Variants in SUGCT observed in about 807,000 individuals in gnomAD.
SUGCT encodes succinyl-CoA:glutarate CoA-transferase.
In SUGCT, 41 loss-of-function variants were observed where a neutral mutation model predicts 55.0. The observed-to-expected ratio is 0.74, with a 90% CI of 0.58 to 0.97. The LOEUF is 0.97. Ranked by LOEUF, SUGCT falls within the 50% of genes least tolerant of loss-of-function variation. The probability of loss-of-function intolerance (pLI) is 0.00; values close to 1 mark genes in which losing one functional copy is unlikely to be tolerated. For synonymous variants in SUGCT, 187 were observed against 200.4 expected, an observed-to-expected ratio of 0.93 and a Z score of 0.56; for missense variants, 568 against 547.8, an observed-to-expected ratio of 1.04 and a Z score of -0.37.
rs78475317 is a variant in SUGCT, at chr7:40,412,248, C to G, written c.817-37039C>G. 1.7e-3 allele frequency among the ~76,000 whole-genome samples: 264 copies of G among 152,338 alleles called. 4 individuals are homozygous for G. The East Asian group carries it at 0.022, about 13-fold the overall frequency. On this transcript the variant is annotated intron_variant, in intron 9 of 13. Coordinates refer to ENST00000335693, the MANE Select transcript of SUGCT (RefSeq NM_001193313.2). ...GTCCTCACAGTGGTCACTTCAGAAG[C>G]CACTCACTGTTCATGCACTTCTTTT...
At chr7:40,278,858 G>A (rs1212201662) in intron 8 of SUGCT, among the ~76,000 whole-genome samples, 15 of 148,424 alleles carry the variant, frequency 1.0e-4, no homozygotes, top group African/African-American at 3.0e-4. Context: ...ATACGGTCTC[G>A]TGCTTTTGTC....
chr7:40,818,915 C>T (rs1172715232), intron 13 of SUGCT, among the ~76,000 whole-genome samples: 1 of 112,448 alleles, frequency 8.9e-6, no homozygotes, highest in Non-Finnish European at 1.8e-5. Flanking sequence ...CCCCTCCCCC[C>T]ACCCCACAAC....
At chr7:40,164,338 C>A (rs1021237587) in intron 1 of SUGCT, among the ~76,000 whole-genome samples, 1 of 152,124 alleles carries the variant, frequency 6.6e-6, no homozygotes, top group African/African-American at 2.4e-5. Context: ...CCATATTGGC[C>A]AAGCTGGTCT....
At chr7:40,466,422 A>C (rs1182069718) in intron 11 of SUGCT, among the ~76,000 whole-genome samples, 1 of 152,158 alleles carries the variant, frequency 6.6e-6, no homozygotes, top group Non-Finnish European at 1.5e-5. Context: ...TAAAATAAGC[A>C]CAAGTTTTAG....
the SUGCT span, among the ~76,000 whole-genome samples, chr7:40,879,328 A>G: frequency 6.6e-6 from 1 of 152,238 alleles, no homozygotes; most frequent in African/African-American, 2.4e-5. Context: ...ACAATTATCA[A>G]TGTTTTGTGA....
chr7:40,341,693 A>G (rs952077477), intron 9 of SUGCT, among the ~76,000 whole-genome samples: 15 of 152,232 alleles, frequency 9.9e-5, no homozygotes, highest in African/African-American at 3.4e-4. Flanking sequence ...ATTTAGGGAA[A>G]AAGAAACTAC....
intron 1 of SUGCT, among the ~76,000 whole-genome samples, chr7:40,150,956 G>T (rs935749022): frequency 6.6e-6 from 1 of 152,130 alleles, no homozygotes; most frequent in South Asian, 2.1e-4. Flanking sequence ...TTTTATCTTG[G>T]CTGGGCACTG....
At chr7:40,949,774 GTAT>G in the SUGCT span, among the ~76,000 whole-genome samples, 1 of 152,190 alleles carries the variant, frequency 6.6e-6, no homozygotes, top group Admixed American at 6.5e-5. Flanking sequence ...TAGATGTGTG[GTAT>G]TATTTCTGAG....
chr7:40,769,711 A>T (rs1788992109), intron 13 of SUGCT, among the ~76,000 whole-genome samples: 1 of 152,166 alleles, frequency 6.6e-6, no homozygotes, highest in African/African-American at 2.4e-5. Context: ...CAAACTTCTG[A>T]CCTCCAGAGC....
intron 13 of SUGCT, among the ~76,000 whole-genome samples, chr7:40,753,916 T>C (rs775743994): frequency 7.9e-5 from 12 of 152,212 alleles, no homozygotes; most frequent in Admixed American, 3.3e-4. Context: ...ATTATTAAAA[T>C]ACAATAAGTA....
At chr7:40,880,997 G>A in the SUGCT span, among the ~76,000 whole-genome samples, 5 of 152,220 alleles carry the variant, frequency 3.3e-5, no homozygotes, top group African/African-American at 9.6e-5. Context: ...ACAAGCATAT[G>A]TGTCTCACAC....
intron 8 of SUGCT, among the ~76,000 whole-genome samples, chr7:40,285,822 C>T (rs1404758697): frequency 2.0e-5 from 3 of 152,080 alleles, no homozygotes; most frequent in East Asian, 1.9e-4. Flanking sequence ...GATAATCAGA[C>T]CTTAGTTACC....
chr7:40,251,913 C>T (rs1166622593), intron 7 of SUGCT, among the ~76,000 whole-genome samples: 6 of 149,154 alleles, frequency 4.0e-5, no homozygotes, highest in Admixed American at 3.3e-4. Flanking sequence ...TTAATAGGAC[C>T]AATTTGTATG....
chr7:41,022,795 G>A, the SUGCT span, among the ~76,000 whole-genome samples: 1 of 152,014 alleles, frequency 6.6e-6, no homozygotes, highest in Admixed American at 6.6e-5. Context: ...TTCCCAATAG[G>A]TGAAGGAAAG....
At chr7:40,597,756 C>T (rs905862380) in intron 12 of SUGCT, among the ~76,000 whole-genome samples, 1 of 152,144 alleles carries the variant, frequency 6.6e-6, no homozygotes, top group African/African-American at 2.4e-5. Context: ...TTGAAAGGAA[C>T]AGAGTCCACT....
chr7:40,724,464 G>C lies in SUGCT; in HGVS notation c.1090-24970G>C, dbSNP rs559443186. On this transcript the variant is annotated intron_variant, in intron 12 of 13. Coordinates refer to ENST00000335693, the MANE Select transcript of SUGCT (RefSeq NM_001193313.2). ...TGTAGTCCCAGCTGCTGGGGAGGCT[G>C]AGGCAGGAGAATGACATGAACCTGG... 2.6e-5 allele frequency among the ~76,000 whole-genome samples: 4 copies of C among 152,124 alleles called. No individual in the cohort carries two copies. The South Asian group carries it at 8.3e-4, about 32-fold the overall frequency.
intron 9 of SUGCT, among the ~76,000 whole-genome samples, chr7:40,413,812 C>G (rs1786823701): frequency 1.3e-5 from 2 of 152,170 alleles, no homozygotes; most frequent in East Asian, 3.9e-4. Flanking sequence ...ATAAAAAAAA[C>G]TTTCAATCTC....
chr7:40,700,732 G>A (rs1437830262), intron 12 of SUGCT, among the ~76,000 whole-genome samples: 1 of 152,196 alleles, frequency 6.6e-6, no homozygotes, highest in Non-Finnish European at 1.5e-5. Flanking sequence ...CAGGTGGCAA[G>A]GGATACTTTC....
At chr7:40,605,599 TGGA>T (rs552929558) in intron 12 of SUGCT, among the ~76,000 whole-genome samples, 55 of 152,102 alleles carry the variant, frequency 3.6e-4, no homozygotes, top group Non-Finnish European at 5.7e-4. Flanking sequence ...CAGTCAGAAA[TGGA>T]GGAGAAAAGA....
Sources: gnomAD v4.1 joint callset for allele counts (sites outside exome capture counted in the v4.1 genomes callset) on GRCh38, gnomAD v4.1.1 for gene constraint, MANE v1.5 for transcripts, NCBI Gene and HGNC (gene_info 2026-07-23, HGNC 2026-07-21) for gene names.